GRIK3: variants seen among roughly 807,000 people sequenced by gnomAD.
The protein encoded by GRIK3 is glutamate receptor ionotropic, kainate 3.
In GRIK3, 29 loss-of-function variants were observed where a neutral mutation model predicts 102.5. That is an observed-to-expected ratio of 0.28 (90% confidence interval 0.21 to 0.39). The LOEUF is 0.39. Ranked by LOEUF, GRIK3 falls within the 10% of genes least tolerant of loss-of-function variation. GRIK3 has a pLI of 1.00. For synonymous variants in GRIK3, 511 were observed against 504.9 expected, an observed-to-expected ratio of 1.01 and a Z score of -0.16; for missense variants, 908 against 1,252.4, an observed-to-expected ratio of 0.73 and a Z score of 4.15.
chr1:36,995,282 T>A (rs532448414), intron 1 of GRIK3, among the ~76,000 whole-genome samples: 3 of 152,208 alleles, frequency 2.0e-5, no homozygotes, highest in African/African-American at 7.2e-5. Context: ...CACAGATTGA[T>A]CATGGTCAGT....
At chr1:36,824,739 G>C (rs1256001486) in intron 11 of GRIK3, among the ~76,000 whole-genome samples, 2 of 152,152 alleles carry the variant, frequency 1.3e-5, no homozygotes, top group Non-Finnish European at 2.9e-5. Context: ...GGAAAGGGGT[G>C]GGGAGCGGGC....
intron 1 of GRIK3, among the ~76,000 whole-genome samples, chr1:37,019,520 C>T (rs1037492752): frequency 2.6e-5 from 4 of 152,082 alleles, no homozygotes; most frequent in African/African-American, 9.7e-5. Context: ...TTCAAGGAAC[C>T]ACAGCTATTT....
intron 9 of GRIK3, among the ~76,000 whole-genome samples, chr1:36,847,736 A>C (rs1049924901): frequency 7.2e-5 from 11 of 152,168 alleles, no homozygotes; most frequent in African/African-American, 2.7e-4. Flanking sequence ...GCGGATAAGC[A>C]ATTTCTTAGG....
At chr1:36,930,814 C>A (rs1458174314) in intron 1 of GRIK3, among the ~76,000 whole-genome samples, 2 of 152,186 alleles carry the variant, frequency 1.3e-5, no homozygotes, top group African/African-American at 4.8e-5. Flanking sequence ...TCCAAGGGAA[C>A]AATAGGAACG....
At chr1:36,860,275 A>T (rs1640707244) in intron 5 of GRIK3, among the ~76,000 whole-genome samples, 1 of 152,138 alleles carries the variant, frequency 6.6e-6, no homozygotes, top group African/African-American at 2.4e-5. Flanking sequence ...CTTCATCCAC[A>T]AATGGGGTTC....
At chr1:36,807,029 T>C (rs1234244397) in intron 13 of GRIK3, among the ~76,000 whole-genome samples, 1 of 151,886 alleles carries the variant, frequency 6.6e-6, no homozygotes, top group Non-Finnish European at 1.5e-5. Context: ...TTCATTACTG[T>C]GAGGAAGGAG....
At position 36,850,280 on chromosome 1, in the gene GRIK3, A is replaced by C. The variant is rs1343125868; in HGVS notation, c.1326+31T>G. ...CGGCCACCCCACCCCCAGGTCGGAC[A>C]GTCCTTCCTGCAGGGGCTGCAGGCT... is the stretch of plus-strand genomic sequence containing the variant. On this transcript the variant is annotated intron_variant, in intron 9 of 15. Transcript: ENST00000373091. This position sits in a 1 kb window ranked among gnomAD's most constrained non-coding sequence, Gnocchi z 4.0. 2.1e-6 allele frequency: 3 copies of C among 1,410,424 alleles called. No individual in the cohort carries two copies. Among genetic ancestry groups the C allele is most frequent in the Non-Finnish European group, 3.0e-6 (3 of 993,950 alleles). 87.4% of individuals were successfully genotyped at this position (1,410,424 alleles called of 1,614,324 possible). A position where few individuals can be genotyped will look rare whatever the true frequency, so the allele number is the denominator to read the frequency against.
At chr1:37,023,782 C>T (rs1166223557) in intron 1 of GRIK3, among the ~76,000 whole-genome samples, 1 of 152,140 alleles carries the variant, frequency 6.6e-6, no homozygotes, top group Admixed American at 6.5e-5. Context: ...AGGCTAATAA[C>T]CACTTAACCT....
chr1:36,850,443 A>G lies in GRIK3; in HGVS notation c.1213-19T>C. 6.7e-7 allele frequency: 1 copy of G among 1,484,876 alleles called. No individual in the cohort carries two copies. Among genetic ancestry groups the G allele is most frequent in the Non-Finnish European group, 9.4e-7 (1 of 1,062,122 alleles). 92.0% of individuals were successfully genotyped at this position (1,484,876 alleles called of 1,614,324 possible). The stretch of plus-strand genomic sequence containing the variant: ...CCCCAACCTGGATGGACACAGACAG[A>G]AAACAGGGTGCCGAGTCCTTGGTCT... On this transcript the variant is annotated intron_variant, in intron 8 of 15. Transcript: ENST00000373091. This position sits in a 1 kb window ranked among gnomAD's most constrained non-coding sequence, Gnocchi z 4.0.
rs1257617482 is a variant in GRIK3 at position 36,859,872 on chromosome 1, T to G, written c.932A>C (p.Glu311Ala). The G allele has an allele frequency of 2.5e-6, 4 of 1,613,996 alleles. No homozygotes were observed. The highest frequency in any genetic ancestry group is 3.3e-4 in the Middle Eastern group (2 of 6,038). ...CATCACTCCATCCAGCAGGCCAGAC[T>G]CGGACCGGGGAGCTGCCTGCAGCCG... ...MERLQAAPRS[E>A]SGLLDGVMMT... The change falls in exon 6 of 16, where the codon GAG becomes GCG. Residue 311 changes from glutamate to alanine, a missense_variant. By Grantham distance (107) the Glu-to-Ala change is moderately radical (BLOSUM62 -1). This residue lies in a region of GRIK3 where 585 missense variants were observed against 824.9 expected (regional missense o/e 0.71). Coordinates refer to ENST00000373091, the MANE Select transcript of GRIK3 (RefSeq NM_000831.4).
rs557421529 is a variant in GRIK3, at chr1:36,964,559, CT to C, written c.115+69434del. Among the ~76,000 whole-genome samples the C allele has an allele frequency of 5.3e-4, 80 of 152,360 alleles. 1 individual carries two copies. The highest frequency in any genetic ancestry group is 7.8e-4 in the Non-Finnish European group (53 of 68,024). On this transcript the variant is annotated intron_variant, in intron 1 of 15. Transcript: ENST00000373091. ...TGTGGGGCTCTGACTTGGATACTTT[CT>C]CATGTTCATCTTTTATAGTTTTCAG...
Position 36,880,683 on chromosome 1 carries a change from G to A in GRIK3, c.501C>T (p.Val167=). Residue 167 remains valine (V), a synonymous_variant, in exon 3 of 16, where the codon GTC becomes GTT. Transcript: ENST00000373091. This position sits in a 1 kb window ranked among gnomAD's most constrained non-coding sequence, Gnocchi z 5.4. ...TGGCTGACCGCCACTTGAGGTACTG[G>A]ACCAGGTCGAGGATGGCATGGCTGA... ...ASLSHAILDL[V]QYLKWRSATV... 1 of 1,614,156 alleles carries A rather than the reference G, an allele frequency of 6.2e-7. No homozygotes were observed. The highest frequency in any genetic ancestry group is 8.5e-7 in the Non-Finnish European group (1 of 1,179,990).
intron 1 of GRIK3, among the ~76,000 whole-genome samples, chr1:36,905,831 T>TA (rs749477270): frequency 5.9e-5 from 9 of 152,188 alleles, no homozygotes; most frequent in Non-Finnish European, 1.2e-4. Context: ...GAGGTCTGGT[T>TA]ATTACAGATC....
chr1:36,908,787 G>A (rs1371786880), intron 1 of GRIK3, among the ~76,000 whole-genome samples: 1 of 151,612 alleles, frequency 6.6e-6, no homozygotes, highest in Non-Finnish European at 1.5e-5. Context: ...GGGTGTGTGT[G>A]TGTGTGTGTG....
At chr1:36,887,769 A>ATAT (rs1491580653) in intron 2 of GRIK3, among the ~76,000 whole-genome samples, 24 of 90,318 alleles carry the variant, frequency 2.7e-4, no homozygotes, top group South Asian at 1.1e-3. Context: ...AAAAAAAAAA[A>ATAT]AAATATATAT....
intron 1 of GRIK3, among the ~76,000 whole-genome samples, chr1:36,957,497 GTGCCCCATGACTCTGTGCCCCATA>G (rs1434702130): frequency 7.1e-5 from 9 of 126,404 alleles, no homozygotes; most frequent in African/African-American, 1.1e-4. Flanking sequence ...GTGAGCCTGT[GTGCCCCATGACTCTGTGCCCCATA>G]AGCCTGTGTG....
chr1:36,947,753 C>G (rs1449935262), intron 1 of GRIK3, among the ~76,000 whole-genome samples: 5 of 152,158 alleles, frequency 3.3e-5, no homozygotes, highest in Admixed American at 2.6e-4. Flanking sequence ...TCCTGCCCCC[C>G]CATGAAGCAG....
rs10630686 is a variant in GRIK3, at chr1:37,024,445, C to CTATTATTATTATTATTAT, written c.115+9531_115+9548dup. On this transcript the variant is annotated intron_variant, in intron 1 of 15. Coordinates refer to ENST00000373091, the MANE Select transcript of GRIK3 (RefSeq NM_000831.4). ...CAAAAACCCTGTGAGGCAGGTACAA[C>CTATTATTATTATTATTAT]TATTATTATTATTATTATTATTATT... 1.6e-3 allele frequency among the ~76,000 whole-genome samples: 227 copies of CTATTATTATTATTATTAT among 145,650 alleles called. 1 individual carries two copies. Among genetic ancestry groups the CTATTATTATTATTATTAT allele is most frequent in the African/African-American group, 4.0e-3 (158 of 39,560 alleles).
chr1:36,834,344 G>A (rs1015827629), intron 10 of GRIK3, among the ~76,000 whole-genome samples: 5 of 152,192 alleles, frequency 3.3e-5, no homozygotes, highest in East Asian at 1.9e-4. Flanking sequence ...AGCAGGGGTC[G>A]GGGGATAACA....
Sources: gnomAD v4.1 joint callset for allele counts (sites outside exome capture counted in the v4.1 genomes callset) on GRCh38, gnomAD v4.1.1 for gene constraint, gnomAD v4.1.1 regional missense constraint, Gnocchi (gnomAD v3.1) non-coding constraint, MANE v1.5 for transcripts, NCBI Gene and HGNC (gene_info 2026-07-23, HGNC 2026-07-21) for gene names.